The following AMD1 variants were observed in gnomAD, a reference collection of about 807,000 sequenced individuals.
The protein encoded by AMD1 is adenosylmethionine decarboxylase 1, also known as S-adenosylmethionine decarboxylase proenzyme.
A neutral mutation model predicts 40.2 loss-of-function variants in AMD1; 11 were observed. The ratio of observed to expected loss-of-function variants is 0.27; its 90% CI spans 0.17 to 0.45. The LOEUF (loss-of-function observed/expected upper bound fraction) is 0.45, where lower values mean the gene tolerates loss of function less well. AMD1 is among the 20% of genes least tolerant of loss of function. AMD1 has a pLI of 1.00. For synonymous variants in AMD1, 121 were observed against 130.8 expected (o/e 0.93, Z 0.51); for missense variants, 257 against 410.2 (o/e 0.63, Z 3.23).
upstream of AMD1, among the ~76,000 whole-genome samples, chr6:110,874,059 G>T (rs1784971409): frequency 1.3e-5 from 2 of 152,240 alleles, no homozygotes; most frequent in East Asian, 3.8e-4. Flanking sequence ...CAGCCAATTC[G>T]GAGGCATGGC....
At chr6:110,889,831 T>C (rs1466484901) in intron 3 of AMD1, 2 of 155,098 alleles carry the variant, frequency 1.3e-5, no homozygotes, top group African/African-American at 4.8e-5. Context: ...AATTGATCCT[T>C]GTAAGAAATC....
At chr6:110,837,745 A>AATATATATATATAT in the AMD1 span, among the ~76,000 whole-genome samples, 38 of 17,826 alleles carry the variant, frequency 2.1e-3, no homozygotes, top group Admixed American at 2.9e-3. Context: ...AAAAAAAAAA[A>AATATATATATATAT]ATATATATAT....
chr6:110,848,287 T>TGAGGCAG, the AMD1 span, among the ~76,000 whole-genome samples: 1 of 151,766 alleles, frequency 6.6e-6, no homozygotes, highest in Non-Finnish European at 1.5e-5. Context: ...TTTGGGAGGC[T>TGAGGCAG]GAGGCAGGCG....
the AMD1 span, among the ~76,000 whole-genome samples, chr6:110,846,568 A>C: frequency 4.6e-5 from 7 of 152,146 alleles, no homozygotes; most frequent in Non-Finnish European, 8.8e-5. Context: ...CTTTTTAGAA[A>C]AATTATCTCA....
At position 110,893,729 on chromosome 6, in the gene AMD1, C is replaced by A; in HGVS notation, c.*113C>A. ...TTCCATAACCACCACTGTGTAGTTGCAGAAAGCCCTAGATGTAATGATAGT... is the reference window on the plus strand; with the variant it reads ...TTCCATAACCACCACTGTGTAGTTGAAGAAAGCCCTAGATGTAATGATAGT... On this transcript the variant is annotated 3_prime_UTR_variant, in exon 9 of 9. Coordinates refer to ENST00000368885, the MANE Select transcript of AMD1 (RefSeq NM_001634.6). 8.4e-7 allele frequency: 1 copy of A among 1,193,310 alleles called. No individual in the cohort carries two copies. Among genetic ancestry groups the A allele is most frequent in the Non-Finnish European group, 1.2e-6 (1 of 855,866 alleles). The allele number at this position is 1,193,310 out of a possible 1,614,324, so 73.9% of individuals were successfully genotyped here.
At chr6:110,851,883 A>C in the AMD1 span, among the ~76,000 whole-genome samples, 2 of 152,184 alleles carry the variant, frequency 1.3e-5, no homozygotes, top group African/African-American at 4.8e-5. Flanking sequence ...AAAATAAAGG[A>C]TATCCTAGAC....
At chr6:110,874,607 A>G (rs1427583922), upstream of AMD1, among the ~76,000 whole-genome samples, 2 of 151,538 alleles carry the variant, frequency 1.3e-5, no homozygotes, top group Non-Finnish European at 2.9e-5. Context: ...CCCGAGCCGC[A>G]GCGCAGTGGG....
At chr6:110,858,820 G>C in the AMD1 span, 5 of 774,298 alleles carry the variant, frequency 6.5e-6, no homozygotes, top group South Asian at 6.9e-5. Flanking sequence ...ACGACCCCAA[G>C]AACCACATCC....
chr6:110,844,445 G>A, the AMD1 span, among the ~76,000 whole-genome samples: 2 of 151,292 alleles, frequency 1.3e-5, no homozygotes, highest in African/African-American at 2.4e-5. Flanking sequence ...GGCATGAGCC[G>A]CCTTGCCTGG....
the AMD1 span, among the ~76,000 whole-genome samples, chr6:110,855,063 C>CTCTTTT: frequency 2.0e-4 from 22 of 107,366 alleles, no homozygotes; most frequent in Non-Finnish European, 3.4e-4. Context: ...TTCTCTCTCT[C>CTCTTTT]TCTTTTTTTT....
chr6:110,817,962 A>G, the AMD1 span, among the ~76,000 whole-genome samples: 1 of 152,226 alleles, frequency 6.6e-6, no homozygotes, highest in Non-Finnish European at 1.5e-5. Context: ...TTTCAGGTAG[A>G]ACAGCATGTA....
the AMD1 span, among the ~76,000 whole-genome samples, chr6:110,828,604 A>G: frequency 1.3e-5 from 2 of 152,336 alleles, no homozygotes; most frequent in East Asian, 1.9e-4. Context: ...AGTCAGGTTC[A>G]CTGCATATGT....
the AMD1 span, chr6:110,815,185 A>C: frequency 5.9e-6 from 9 of 1,517,842 alleles, no homozygotes; most frequent in Non-Finnish European, 8.0e-6. Context: ...GCCGCCGCTC[A>C]GTCCCTCCTC....
intron 1 of AMD1, among the ~76,000 whole-genome samples, chr6:110,884,551 A>G (rs1785584477): frequency 1.3e-5 from 2 of 152,076 alleles, no homozygotes; most frequent in Non-Finnish European, 2.9e-5. Context: ...TTCCCACATC[A>G]GCCTACCGAG....
At chr6:110,876,938 G>A (rs1298238172) in intron 1 of AMD1, among the ~76,000 whole-genome samples, 2 of 152,156 alleles carry the variant, frequency 1.3e-5, no homozygotes, top group Non-Finnish European at 2.9e-5. Context: ...ATAAAGGGAA[G>A]AAGATTTTGT....
At chr6:110,826,688 CTTTT>C in the AMD1 span, among the ~76,000 whole-genome samples, 7 of 131,362 alleles carry the variant, frequency 5.3e-5, no homozygotes, top group Admixed American at 7.7e-5. Flanking sequence ...TCTTTTCTTT[CTTTT>C]TTTTTTTTTT....
chr6:110,879,891 C>G (rs1785310879), intron 1 of AMD1, among the ~76,000 whole-genome samples: 1 of 152,052 alleles, frequency 6.6e-6, no homozygotes, highest in Non-Finnish European at 1.5e-5. Context: ...ATGGGAATAG[C>G]ATCTATGTAT....
At chr6:110,860,598 C>T in the AMD1 span, among the ~76,000 whole-genome samples, 3 of 149,052 alleles carry the variant, frequency 2.0e-5, no homozygotes, top group Non-Finnish European at 4.5e-5. Context: ...CAGGAGTTCG[C>T]GACCAACCTG....
the AMD1 span, among the ~76,000 whole-genome samples, chr6:110,832,404 G>C: frequency 7.4e-3 from 1,126 of 151,246 alleles, 15 homozygotes; most frequent in African/African-American, 0.026. Flanking sequence ...TCCCACCTTA[G>C]CCTCCCATTG....
Sources: allele counts gnomAD v4.1 joint callset (sites outside exome capture counted in the v4.1 genomes callset), GRCh38; gene constraint gnomAD v4.1.1; transcripts MANE v1.5; gene names NCBI Gene and HGNC (gene_info 2026-07-23, HGNC 2026-07-21).